The following CYP4V2 variants were observed in gnomAD, a reference collection of about 807,000 sequenced individuals.
CYP4V2 encodes cytochrome P450 family 4 subfamily V member 2.
A neutral mutation model predicts 60.8 loss-of-function variants in CYP4V2; 55 were observed. That is an observed-to-expected ratio of 0.90 (90% confidence interval 0.73 to 1.13). CYP4V2 has a LOEUF of 1.13. Among genes scored for constraint, CYP4V2 ranks in the 50% most tolerant of loss-of-function variants. The pLI, the probability that CYP4V2 is intolerant of heterozygous loss-of-function variation, is 0.00. For synonymous variants in CYP4V2, 239 were observed against 236.8 expected (o/e 1.01, Z -0.08); for missense variants, 675 against 662.9 (o/e 1.02, Z -0.20).
intron 10 of CYP4V2, among the ~76,000 whole-genome samples, chr4:186,209,566 G>A (rs554216695): frequency 5.3e-5 from 8 of 152,266 alleles, no homozygotes; most frequent in African/African-American, 1.7e-4. Flanking sequence ...CAAGAACAAG[G>A]TGTTGGCAGG....
intron 7 of CYP4V2, 151 bp from the exon 8 acceptor site, chr4:186,205,049 C>G (rs1736455671): frequency 1.3e-6 from 1 of 770,414 alleles, no homozygotes; most frequent in South Asian, 1.5e-5. Flanking sequence ...TTGTTTGTCA[C>G]CGAGGCAAGG....
At chr4:186,197,679 G>A (rs574234744) in intron 5 of CYP4V2, 77 bp downstream of exon 5, 388 of 1,464,088 alleles carry the variant, frequency 2.7e-4, no homozygotes, top group Non-Finnish European at 3.4e-4. Context: ...CAATTTCTGC[G>A]TTGTATCTTT....
In CYP4V2 at chr4:186,210,602, C is replaced by G; in HGVS notation, c.1539C>G (p.Ile513Met). ...GQLILRPSNG[I>M]WIKLKRRNAD... ...TGATTCTTCGTCCAAGTAATGGCAT[C>G]TGGATCAAGTTGAAGAGGAGAAATG... Residue 513 changes from isoleucine (I) to methionine (M), a missense_variant, in exon 11 of 11, where the codon ATC becomes ATG. By Grantham distance (10) the Ile-to-Met change is conservative (BLOSUM62 1). Coordinates refer to ENST00000378802, the MANE Select transcript of CYP4V2 (RefSeq NM_207352.4). 6.2e-7 allele frequency: 1 copy of G among 1,614,118 alleles called. No homozygotes were observed.
chr4:186,204,354 A>G (rs1221407791), intron 7 of CYP4V2: 1 of 116,192 alleles, frequency 8.6e-6, no homozygotes, highest in South Asian at 1.4e-4. Context: ...TGGAGGCGCT[A>G]CGCTGGCGTA....
chr4:186,209,174 C>G lies in CYP4V2; in HGVS notation c.1307C>G (p.Pro436Arg). The G allele has an allele frequency of 6.2e-7, 1 of 1,614,112 alleles. No homozygotes were observed. Among genetic ancestry groups the G allele is most frequent in the Non-Finnish European group, 8.5e-7 (1 of 1,180,010 alleles). Residue 436 changes from proline (P) to arginine (R), a missense_variant, in exon 10 of 11, where the codon CCC becomes CGC. Physicochemically the swap from Pro to Arg is moderately radical, Grantham distance 103 (BLOSUM62 -2). Coordinates refer to ENST00000378802, the MANE Select transcript of CYP4V2 (RefSeq NM_207352.4). ...LHRDPRYFPN[P>R]EEFQPERFFP... is the part of the protein sequence containing the mutation. ...AGAGATCCGAGATACTTCCCCAACC[C>G]CGAGGAGTTCCAGCCTGAGCGGTTC...
Position 186,210,842 on chromosome 4 carries a change from T to A in CYP4V2, c.*201T>A. ...TTTTCTTTTTTCTTTTTTCTTTATT[T>A]TTTTTTTTTGAAACCGTGTCTCACT... On this transcript the variant is annotated 3_prime_UTR_variant, in exon 11 of 11. Coordinates refer to ENST00000378802, the MANE Select transcript of CYP4V2 (RefSeq NM_207352.4). The A allele has an allele frequency of 6.2e-6, 4 of 641,008 alleles. No individual in the cohort carries two copies. The highest frequency in any genetic ancestry group is 1.0e-5 in the Non-Finnish European group (4 of 392,592). The allele number at this position is 641,008 out of a possible 1,614,324, so 39.7% of individuals were successfully genotyped here.
Position 186,209,145 on chromosome 4 carries a change from G to A in CYP4V2, c.1278G>A (p.Leu426=), listed in dbSNP as rs774772454. 1.2e-6 allele frequency: 2 copies of A among 1,614,090 alleles called. No individual in the cohort carries two copies. Among genetic ancestry groups the A allele is most frequent in the Admixed American group, 1.7e-5 (1 of 60,016 alleles). Residue 426 remains leucine (L), a synonymous_variant, in exon 10 of 11, where the codon TTG becomes TTA. Transcript: ENST00000378802. ...GTEAVIIPYA[L]HRDPRYFPNP... is the part of the protein sequence containing the mutation. ...AAGCCGTCATCATTCCCTATGCATTGCACAGAGATCCGAGATACTTCCCCA... is the reference window on the plus strand; with the variant it reads ...AAGCCGTCATCATTCCCTATGCATTACACAGAGATCCGAGATACTTCCCCA...
rs201425369 is a variant in CYP4V2, at chr4:186,210,630, G to A, written c.1567G>A (p.Asp523Asn). The A allele has an allele frequency of 1.2e-6, 2 of 1,614,110 alleles. No homozygotes were observed. Among genetic ancestry groups the A allele is most frequent in the African/African-American group, 1.3e-5 (1 of 75,012 alleles). The change falls in exon 11 of 11, where the codon GAT becomes AAT. Residue 523 changes from aspartate (D) to asparagine (N), a missense_variant. Asp to Asn is a conservative substitution (Grantham distance 23). Coordinates refer to ENST00000378802, the MANE Select transcript of CYP4V2 (RefSeq NM_207352.4). Reference protein sequence around the residue: ...IWIKLKRRNADER With the variant: ...IWIKLKRRNANER The stretch of plus-strand genomic sequence containing the variant: ...GATCAAGTTGAAGAGGAGAAATGCA[G>A]ATGAACGCTAACTATATTATTGGGT...
intron 7 of CYP4V2, 84 bp downstream of exon 7, chr4:186,201,426 A>G: frequency 6.7e-7 from 1 of 1,484,064 alleles, no homozygotes; most frequent in Admixed American, 1.8e-5. Context: ...TAAAACAATC[A>G]AATTTTAAAG....
At chr4:186,202,845 CAT>C (rs1459916332) in intron 7 of CYP4V2, 1 of 152,072 alleles carries the variant, frequency 6.6e-6, no homozygotes, top group Non-Finnish European at 1.5e-5. Context: ...TACTCATGCA[CAT>C]ACACACACAT....
chr4:186,210,999 G>A lies in CYP4V2; in HGVS notation c.*358G>A, dbSNP rs1209088994. 1 of 237,396 alleles carries A rather than the reference G, an allele frequency of 4.2e-6. No homozygotes were observed. Among genetic ancestry groups the A allele is most frequent in the Non-Finnish European group, 8.2e-6 (1 of 121,224 alleles). 14.7% of individuals were successfully genotyped at this position (237,396 alleles called of 1,614,324 possible). A position where few individuals can be genotyped will look rare whatever the true frequency, so the allele number is the denominator to read the frequency against. On this transcript the variant is annotated 3_prime_UTR_variant, in exon 11 of 11. Transcript: ENST00000378802. ...TTACAGGTGCCTGCCACCATGCCTG[G>A]CTAATTTTTTTGTATTTTTAGTAGA...
At position 186,197,508 on chromosome 4, in the gene CYP4V2, G is replaced by T. The variant is rs4862662; in HGVS notation, c.605-25G>T. Reference sequence around the variant, plus strand: ...ATAACTAACGTGCGTGAATTGAATGGTTGCTTCTCACCCATATTTTATAGA... The same window carrying T: ...ATAACTAACGTGCGTGAATTGAATGTTTGCTTCTCACCCATATTTTATAGA... On this transcript the variant is annotated intron_variant, in intron 4 of 10. Coordinates refer to ENST00000378802, the MANE Select transcript of CYP4V2 (RefSeq NM_207352.4). The T allele has an allele frequency of 0.38, 611,142 of 1,611,646 alleles. 119,767 individuals carry two copies. Among genetic ancestry groups the T allele is most frequent in the Non-Finnish European group, 0.4 (475,916 of 1,177,960 alleles).
intron 7 of CYP4V2, chr4:186,204,749 T>G (rs773714233): frequency 2.4e-5 from 6 of 245,694 alleles, no homozygotes; most frequent in Non-Finnish European, 4.9e-5. Context: ...GAGGTTGTTG[T>G]CAATTTTTAC....
intron 7 of CYP4V2, chr4:186,204,535 G>C (rs976921897): frequency 5.4e-6 from 1 of 184,936 alleles, no homozygotes; most frequent in African/African-American, 2.4e-5. Context: ...TTTGTCATCG[G>C]ACACGCCGCA....
Position 186,192,054 on chromosome 4 carries a change from C to T in CYP4V2, c.214+17C>T, listed in dbSNP as rs369891403. The T allele has an allele frequency of 2.2e-5, 34 of 1,558,208 alleles. No homozygotes were observed. The African/African-American group carries it at 4.3e-4, about 20-fold the overall frequency. On this transcript the variant is annotated intron_variant, in intron 1 of 10. Transcript: ENST00000378802. Reference sequence around the variant, plus strand: ...ACGGGCGAGGTAAGGGCCGGCGCTCCTCCTGGAGCGCAACGGGGTCCGCAG... The same window carrying T: ...ACGGGCGAGGTAAGGGCCGGCGCTCTTCCTGGAGCGCAACGGGGTCCGCAG...
intron 1 of CYP4V2, among the ~76,000 whole-genome samples, chr4:186,194,115 G>A (rs978089196): frequency 2.0e-5 from 3 of 152,156 alleles, no homozygotes; most frequent in African/African-American, 4.8e-5. Context: ...GAGACATTTG[G>A]AAGCAGCATA....
At chr4:186,197,433 CAA>C in intron 4 of CYP4V2, 98 bp from the exon 5 acceptor site, 2 of 1,197,528 alleles carry the variant, frequency 1.7e-6, no homozygotes, top group Non-Finnish European at 1.2e-6. Flanking sequence ...TATACAAGGA[CAA>C]AGCAGGATGT....
At chr4:186,209,400 TC>T in intron 10 of CYP4V2, 128 bp downstream of exon 10, 2 of 1,188,102 alleles carry the variant, frequency 1.7e-6, no homozygotes, top group Non-Finnish European at 2.4e-6. Flanking sequence ...ATAGGTGGTT[TC>T]TTTTTTCCCT....
At position 186,192,246 on chromosome 4, in the gene CYP4V2, G is replaced by T. The variant is rs142913383; in HGVS notation, c.214+209G>T. ...ATCCCAAAGTGAGCATTTTCTTTGT[G>T]TGTAGCACAGGATGCGGTATTTCCA... On this transcript the variant is annotated intron_variant, in intron 1 of 10. Coordinates refer to ENST00000378802, the MANE Select transcript of CYP4V2 (RefSeq NM_207352.4). 37 of 724,884 alleles carry T rather than the reference G, an allele frequency of 5.1e-5. No homozygotes were observed. In the Admixed American group the frequency reaches 7.2e-4, roughly 14 times the overall value. The allele number at this position is 724,884 out of a possible 1,614,324, so 44.9% of individuals were successfully genotyped here.
Sources: gnomAD v4.1 joint callset for allele counts (sites outside exome capture counted in the v4.1 genomes callset) on GRCh38, gnomAD v4.1.1 for gene constraint, MANE v1.5 for transcripts, NCBI Gene and HGNC (gene_info 2026-07-23, HGNC 2026-07-21) for gene names.